The following FREM2 variants were observed in gnomAD, a reference collection of about 807,000 sequenced individuals.
The protein encoded by FREM2 is FRAS1 related extracellular matrix 2, also known as FRAS1-related extracellular matrix protein 2.
FREM2 carries 119 observed loss-of-function variants against 219.9 expected under a neutral mutation model. The ratio of observed to expected loss-of-function variants is 0.54; its 90% CI spans 0.47 to 0.63. The LOEUF is 0.63. Among genes scored for constraint, FREM2 ranks in the 30% least tolerant of loss-of-function variants. The pLI is 0.00. For missense variants in FREM2, 4,030 were observed against 3,993.6 expected (o/e 1.01, Z -0.25); for synonymous variants, 1,562 against 1,522.8 (o/e 1.03, Z -0.60).
At position 38,864,274 on chromosome 13, in the gene FREM2, G is replaced by T; in HGVS notation, c.7652-1G>T. 1 of 1,610,394 alleles carries T rather than the reference G, an allele frequency of 6.2e-7. No homozygotes were observed. The highest frequency in any genetic ancestry group is 8.5e-7 in the Non-Finnish European group (1 of 1,177,540). ...TTAACAATGATTTCGATTTATCATA[G>T]GCATGCTCCCCGTGATCTCCACTAG... On this transcript the variant is annotated splice_acceptor_variant, in intron 15 of 23. Coordinates refer to ENST00000280481, the MANE Select transcript of FREM2 (RefSeq NM_207361.6). LOFTEE classifies it high-confidence loss of function.
At chr13:38,783,904 G>T (rs1368672127) in intron 5 of FREM2, among the ~76,000 whole-genome samples, 2 of 152,224 alleles carry the variant, frequency 1.3e-5, no homozygotes, top group African/African-American at 4.8e-5. Flanking sequence ...CGACCAGTCT[G>T]ATCAACATGG....
At chr13:38,735,522 A>G (rs1292585190) in intron 2 of FREM2, among the ~76,000 whole-genome samples, 1 of 152,218 alleles carries the variant, frequency 6.6e-6, no homozygotes, top group Non-Finnish European at 1.5e-5. Context: ...TTAGTAAAAA[A>G]ATCATTTATT....
chr13:38,727,614 T>C (rs1049043766), intron 2 of FREM2, among the ~76,000 whole-genome samples: 1 of 152,264 alleles, frequency 6.6e-6, no homozygotes, highest in East Asian at 1.9e-4. Context: ...CACCATTTTA[T>C]TGAGTGCCTG....
intron 2 of FREM2, among the ~76,000 whole-genome samples, chr13:38,754,901 G>GATGATGATTATTATT (rs56270131): frequency 4.3e-3 from 547 of 128,638 alleles, no homozygotes; most frequent in South Asian, 8.0e-3. Flanking sequence ...TGATGATGAT[G>GATGATGATTATTATT]ATTATTATTA....
chr13:38,691,534 A>T lies in FREM2; in HGVS notation c.4190A>T (p.Asp1397Val), dbSNP rs1297519962. The T allele has an allele frequency of 6.2e-7, 1 of 1,614,134 alleles. No individual in the cohort carries two copies. Among genetic ancestry groups the T allele is most frequent in the East Asian group, 2.2e-5 (1 of 44,880 alleles). The change falls in exon 1 of 24, where the codon GAT becomes GTT. Residue 1397 changes from aspartate to valine, a missense_variant. Physicochemically the swap from Asp to Val is radical, Grantham distance 152. Transcript: ENST00000280481. ...QEGIRDLIKF[D>V]VTDGINPLID... ...GGCATTCGGGACCTAATTAAATTTG[A>T]TGTGACTGATGGAATAAATCCCCTC...
intron 2 of FREM2, among the ~76,000 whole-genome samples, chr13:38,742,954 G>A (rs941240729): frequency 6.6e-6 from 1 of 152,180 alleles, no homozygotes; most frequent in Non-Finnish European, 1.5e-5. Context: ...TTTAGGCATT[G>A]AACTAGGACA....
At chr13:38,858,585 G>A (rs773074466) in intron 13 of FREM2, among the ~76,000 whole-genome samples, 8 of 152,072 alleles carry the variant, frequency 5.3e-5, no homozygotes, top group Non-Finnish European at 1.2e-4. Flanking sequence ...GCCTTTTCTT[G>A]ACTCTAAGTT....
At chr13:38,793,476 T>A (rs1874643172) in intron 6 of FREM2, among the ~76,000 whole-genome samples, 1 of 152,076 alleles carries the variant, frequency 6.6e-6, no homozygotes, top group Non-Finnish European at 1.5e-5. Flanking sequence ...ACTGAAAGCT[T>A]GGATACAGCA....
chr13:38,830,772 A>AT (rs1255614877), intron 6 of FREM2, among the ~76,000 whole-genome samples: 1 of 151,672 alleles, frequency 6.6e-6, no homozygotes, highest in Non-Finnish European at 1.5e-5. Context: ...TCCAGCTCAC[A>AT]TTTTTTCTTC....
intron 2 of FREM2, among the ~76,000 whole-genome samples, chr13:38,751,363 C>T (rs957996081): frequency 2.0e-5 from 3 of 152,080 alleles, no homozygotes; most frequent in African/African-American, 4.8e-5. Flanking sequence ...CTCTCTATGC[C>T]CCAAGTTTCC....
intron 6 of FREM2, among the ~76,000 whole-genome samples, chr13:38,790,926 C>G (rs1874534576): frequency 6.6e-6 from 1 of 152,134 alleles, no homozygotes; most frequent in African/African-American, 2.4e-5. Context: ...TTGTTTCCCA[C>G]AATGCATTAT....
In FREM2 at chr13:38,787,042, T is replaced by G. The variant is rs1212102722; in HGVS notation, c.6019+2234T>G. ...TAATATTCATAGAACATTTTACTAT[T>G]GTCAGTGTCTTATCAGAGCTTCACA... On this transcript the variant is annotated intron_variant, in intron 6 of 23. Coordinates refer to ENST00000280481, the MANE Select transcript of FREM2 (RefSeq NM_207361.6). Among the ~76,000 whole-genome samples the G allele has an allele frequency of 2.6e-5, 4 of 152,152 alleles. No homozygotes were observed. The East Asian group carries it at 7.7e-4, about 29-fold the overall frequency.
chr13:38,689,115 T>G lies in FREM2; in HGVS notation c.1771T>G (p.Ser591Ala). 1 of 1,613,902 alleles carries G rather than the reference T, an allele frequency of 6.2e-7. No individual in the cohort carries two copies. The highest frequency in any genetic ancestry group is 8.5e-7 in the Non-Finnish European group (1 of 1,180,010). The change falls in exon 1 of 24, where the codon TCA becomes GCA. Residue 591 changes from serine to alanine, a missense_variant. Physicochemically the swap from Ser to Ala is moderately conservative, Grantham distance 99. Coordinates refer to ENST00000280481, the MANE Select transcript of FREM2 (RefSeq NM_207361.6). Reference protein sequence around the residue: ...PLSLSATDMDSDDSLLLFVLE... With the variant: ...PLSLSATDMDADDSLLLFVLE... ...TTCCCTGAGTGCAACTGACATGGAT[T>G]CAGATGATTCTCTGCTGCTTTTTGT...
At position 38,887,049 on chromosome 13, in the gene FREM2, G is replaced by A. The variant is rs942298027; in HGVS notation, c.*6262G>A. On this transcript the variant is annotated 3_prime_UTR_variant, in exon 24 of 24. Coordinates refer to ENST00000280481, the MANE Select transcript of FREM2 (RefSeq NM_207361.6). ...ATTCATGTCAACAATAAGTCTTGCT[G>A]CCGCTTGTGTTTCATAACTACGCTT... 1 of 152,148 alleles carries A rather than the reference G, an allele frequency of 6.6e-6. No individual in the cohort carries two copies. Among genetic ancestry groups the A allele is most frequent in the Admixed American group, 6.5e-5 (1 of 15,272 alleles). 9.4% of individuals were successfully genotyped at this position (152,148 alleles called of 1,614,324 possible).
At chr13:38,735,221 A>G (rs1871941618) in intron 2 of FREM2, among the ~76,000 whole-genome samples, 1 of 152,200 alleles carries the variant, frequency 6.6e-6, no homozygotes, top group Non-Finnish European at 1.5e-5. Flanking sequence ...ATCATGCTAT[A>G]TTTAATGATT....
At chr13:38,732,328 C>G (rs964941944) in intron 2 of FREM2, among the ~76,000 whole-genome samples, 6 of 152,146 alleles carry the variant, frequency 3.9e-5, no homozygotes, top group Non-Finnish European at 5.9e-5. Context: ...TTGGACTTCA[C>G]TAGTCTATGG....
intron 2 of FREM2, among the ~76,000 whole-genome samples, chr13:38,742,416 G>A (rs1330956868): frequency 1.3e-5 from 2 of 152,150 alleles, no homozygotes; most frequent in African/African-American, 2.4e-5. Flanking sequence ...TGGCACAGGG[G>A]GCAAATAACA....
At chr13:38,766,296 AT>A (rs1566134399) in intron 3 of FREM2, among the ~76,000 whole-genome samples, 1 of 151,994 alleles carries the variant, frequency 6.6e-6, no homozygotes, top group Non-Finnish European at 1.5e-5. Context: ...TCAATGCACT[AT>A]TATTTTCTAC....
In FREM2 at chr13:38,874,516, T is replaced by G; in HGVS notation, c.8211T>G (p.Asp2737Glu). The stretch of plus-strand genomic sequence containing the variant: ...ATCCAACCAGCATGCGCATCGGTGA[T>G]GAGGGGCGCTTGGCCGTGCACTTCA... ...SLYPTSMRIG[D>E]EGRLAVHFKT... Residue 2737 changes from aspartate to glutamate, a missense_variant, in exon 18 of 24, where the codon GAT becomes GAG. Physicochemically the swap from Asp to Glu is conservative, Grantham distance 45. Around this residue, in one of 2 missense-constraint regions of FREM2, gnomAD observed 928 missense variants for 1,042.9 expected, o/e 0.89. Coordinates refer to ENST00000280481, the MANE Select transcript of FREM2 (RefSeq NM_207361.6). 1 of 1,614,140 alleles carries G rather than the reference T, an allele frequency of 6.2e-7. No homozygotes were observed. The highest frequency in any genetic ancestry group is 8.5e-7 in the Non-Finnish European group (1 of 1,179,986).
Sources: gnomAD v4.1 joint callset for allele counts (sites outside exome capture counted in the v4.1 genomes callset) on GRCh38, gnomAD v4.1.1 for gene constraint, gnomAD v4.1.1 regional missense constraint, MANE v1.5 for transcripts, NCBI Gene and HGNC (gene_info 2026-07-23, HGNC 2026-07-21) for gene names.